The following RBMS3 variants were observed in gnomAD, a reference collection of about 807,000 sequenced individuals.
RBMS3 encodes the protein RNA binding motif single stranded interacting protein 3, also known as RNA-binding motif, single-stranded-interacting protein 3.
A neutral mutation model predicts 66.8 loss-of-function variants in RBMS3; 27 were observed. The observed-to-expected ratio is 0.40, with a 90% CI of 0.30 to 0.56. The LOEUF (loss-of-function observed/expected upper bound fraction) is 0.56. RBMS3 is among the 20% of genes least tolerant of loss of function. The probability of loss-of-function intolerance (pLI) is 0.40; values close to 1 mark genes in which losing one functional copy is unlikely to be tolerated. For synonymous variants in RBMS3, 188 were observed against 183.0 expected (o/e 1.03, Z -0.22); for missense variants, 513 against 549.5 (o/e 0.93, Z 0.66).
chr3:29,658,381 A>T (rs1427767656), intron 4 of RBMS3, among the ~76,000 whole-genome samples: 1 of 152,200 alleles, frequency 6.6e-6, no homozygotes, highest in Non-Finnish European at 1.5e-5. Context: ...TAGGCATGGC[A>T]TGGAGCCTGA....
chr3:29,313,047 C>G (rs1006122380), intron 1 of RBMS3, among the ~76,000 whole-genome samples: 4 of 151,682 alleles, frequency 2.6e-5, no homozygotes, highest in Non-Finnish European at 4.4e-5. Context: ...TTTCTCCATC[C>G]CTACTTGGAA....
chr3:29,758,597 A>G (rs1050217485), intron 5 of RBMS3, among the ~76,000 whole-genome samples: 1 of 152,162 alleles, frequency 6.6e-6, no homozygotes, highest in African/African-American at 2.4e-5. Flanking sequence ...ACTGTTTGGT[A>G]CTTAAGACAC....
chr3:29,604,689 A>G (rs2048262203), intron 4 of RBMS3, among the ~76,000 whole-genome samples: 1 of 152,028 alleles, frequency 6.6e-6, no homozygotes, highest in African/African-American at 2.4e-5. Context: ...TTAGAGTTGG[A>G]AACCATATAT....
chr3:29,936,250 T>A, intron 11 of RBMS3, 54 bp downstream of exon 11: 1 of 1,452,372 alleles, frequency 6.9e-7, no homozygotes, highest in East Asian at 2.4e-5. Context: ...AGATGTGATA[T>A]TCTCCATTTT....
intron 3 of RBMS3, among the ~76,000 whole-genome samples, chr3:29,491,504 A>G (rs1047621707): frequency 1.5e-4 from 23 of 152,240 alleles, no homozygotes; most frequent in Admixed American, 1.4e-3. Context: ...TTTTAAATAA[A>G]TATGAAAATG....
At chr3:29,879,826 A>G (rs1411897508) in intron 7 of RBMS3, among the ~76,000 whole-genome samples, 2 of 152,022 alleles carry the variant, frequency 1.3e-5, no homozygotes, top group East Asian at 1.9e-4. Context: ...TCAGGCCATC[A>G]TCATTTTGGC....
intron 3 of RBMS3, among the ~76,000 whole-genome samples, chr3:29,504,260 G>A (rs1479939059): frequency 6.6e-6 from 1 of 152,076 alleles, no homozygotes; most frequent in Non-Finnish European, 1.5e-5. Context: ...TGTACGTCAT[G>A]AAGACTTGGC....
chr3:29,360,608 T>C lies in RBMS3; in HGVS notation c.76-74135T>C, dbSNP rs1157688059. Among the ~76,000 whole-genome samples, 3 of 151,942 alleles carry C rather than the reference T, an allele frequency of 2.0e-5. No individual in the cohort carries two copies. In the East Asian group the frequency reaches 5.8e-4, roughly 29 times the overall value. ...TTCAATTCCTGGATATCCTTGTTAA[T>C]TTTCTGTCTCATTGATCTGTCTAAT... On this transcript the variant is annotated intron_variant, in intron 1 of 14. Coordinates refer to ENST00000383767, the MANE Select transcript of RBMS3 (RefSeq NM_001003793.3).
intron 4 of RBMS3, among the ~76,000 whole-genome samples, chr3:29,722,061 G>T (rs1039934815): frequency 4.6e-5 from 7 of 152,102 alleles, no homozygotes; most frequent in Admixed American, 4.6e-4. Flanking sequence ...TCTCAAGGGA[G>T]GGCAGTTTGA....
intron 4 of RBMS3, among the ~76,000 whole-genome samples, chr3:29,630,776 A>G (rs566528752): frequency 6.6e-6 from 1 of 152,126 alleles, no homozygotes; most frequent in Admixed American, 6.6e-5. Context: ...AATTTTTAAA[A>G]CACTGGAATA....
intron 4 of RBMS3, among the ~76,000 whole-genome samples, chr3:29,719,040 A>G (rs145659659): frequency 6.6e-6 from 1 of 152,234 alleles, no homozygotes; most frequent in African/African-American, 2.4e-5. Context: ...ACAAAGAGTG[A>G]TTTTTGCTTC....
chr3:29,604,644 G>A (rs2048261473), intron 4 of RBMS3, among the ~76,000 whole-genome samples: 1 of 151,954 alleles, frequency 6.6e-6, no homozygotes, highest in Non-Finnish European at 1.5e-5. Context: ...AATGAGCTCA[G>A]ATATTAAATT....
intron 1 of RBMS3, among the ~76,000 whole-genome samples, chr3:29,339,444 T>G (rs749750873): frequency 1.7e-4 from 26 of 152,186 alleles, no homozygotes; most frequent in Non-Finnish European, 3.2e-4. Context: ...TGATATTTTG[T>G]TGTCCAAAAA....
chr3:29,492,534 T>C (rs2043589112), intron 3 of RBMS3, among the ~76,000 whole-genome samples: 1 of 152,138 alleles, frequency 6.6e-6, no homozygotes, highest in African/African-American at 2.4e-5. Flanking sequence ...AGAAAGTATC[T>C]GCGGAGAAAT....
intron 3 of RBMS3, among the ~76,000 whole-genome samples, chr3:29,508,338 C>A (rs1258252459): frequency 6.6e-6 from 1 of 152,114 alleles, no homozygotes; most frequent in Non-Finnish European, 1.5e-5. Flanking sequence ...TCTCCTAATG[C>A]TATACCTCCC....
chr3:29,849,170 ATGTGTGTGTGTGTGTG>A (rs10571760), intron 6 of RBMS3, among the ~76,000 whole-genome samples: 54 of 141,762 alleles, frequency 3.8e-4, no homozygotes, highest in Non-Finnish European at 5.8e-4. Context: ...CACCAAAGGA[ATGTGTGTGTGTGTGTG>A]TGTGTGTGTG....
At chr3:29,748,407 G>A (rs1437898526) in intron 5 of RBMS3, among the ~76,000 whole-genome samples, 3 of 152,208 alleles carry the variant, frequency 2.0e-5, no homozygotes, top group Non-Finnish European at 2.9e-5. Context: ...ACTCAGGAGT[G>A]TAGATTCAAG....
intron 4 of RBMS3, among the ~76,000 whole-genome samples, chr3:29,697,883 T>G (rs2052351902): frequency 6.6e-6 from 1 of 152,206 alleles, no homozygotes; most frequent in South Asian, 2.1e-4. Flanking sequence ...GGATTTCAGA[T>G]TTTTTATTTA....
At chr3:29,321,221 C>A (rs1455827922) in intron 1 of RBMS3, among the ~76,000 whole-genome samples, 2 of 151,952 alleles carry the variant, frequency 1.3e-5, no homozygotes, top group African/African-American at 4.8e-5. Context: ...ATATATTAGT[C>A]CCTTTCATTG....
Sources: gnomAD v4.1 joint callset for allele counts (sites outside exome capture counted in the v4.1 genomes callset) on GRCh38, gnomAD v4.1.1 for gene constraint, MANE v1.5 for transcripts, NCBI Gene and HGNC (gene_info 2026-07-23, HGNC 2026-07-21) for gene names.